PREX2: variants seen among roughly 807,000 people sequenced by gnomAD.
The protein encoded by PREX2 is phosphatidylinositol 3,4,5-trisphosphate-dependent Rac exchanger 2 protein.
A neutral mutation model predicts 203.2 loss-of-function variants in PREX2; 107 were observed. The observed-to-expected ratio is 0.53, with a 90% confidence interval of 0.45 to 0.62. The LOEUF (loss-of-function observed/expected upper bound fraction) is 0.62, where lower values mean the gene tolerates loss of function less well. PREX2 is among the 20% of genes least tolerant of loss of function. The pLI, the probability that PREX2 is intolerant of heterozygous loss-of-function variation, is 0.00. For missense variants in PREX2, 1,777 were observed against 1,955.9 expected, an observed-to-expected ratio of 0.91 and a Z score of 1.72; for synonymous variants, 672 against 663.6, an observed-to-expected ratio of 1.01 and a Z score of -0.19.
At chr8:67,994,629 G>A (rs1806711589) in intron 1 of PREX2, among the ~76,000 whole-genome samples, 1 of 152,140 alleles carries the variant, frequency 6.6e-6, no homozygotes, top group Admixed American at 6.6e-5. Flanking sequence ...AATTAAACAG[G>A]CCTTGTTAAG....
chr8:68,108,070 G>A (rs1357496790), intron 23 of PREX2, 39 bp from the exon 24 acceptor site: 2 of 1,395,110 alleles, frequency 1.4e-6, no homozygotes, highest in South Asian at 2.5e-5. Flanking sequence ...AGTTATTACT[G>A]TGTGTTCAAC....
chr8:68,224,670 G>T (rs780206924), intron 39 of PREX2, 44 bp downstream of exon 39: 11 of 1,481,088 alleles, frequency 7.4e-6, no homozygotes, highest in Middle Eastern at 1.7e-4. Context: ...AGATTTGCCA[G>T]CATTTTCCCC....
In PREX2 at chr8:68,069,140, A is replaced by T; in HGVS notation, c.1443+4A>T. On this transcript the variant is annotated splice_donor_region_variant and intron_variant, in intron 12 of 39. Coordinates refer to ENST00000288368, the MANE Select transcript of PREX2 (RefSeq NM_024870.4). ...GATGCAGGACGTGATTTCAAAGGTA[A>T]CGACCTCTCCCACAACCTCTCCAAT... 1 of 1,445,124 alleles carries T rather than the reference A, an allele frequency of 6.9e-7. No individual in the cohort carries two copies. Among genetic ancestry groups the T allele is most frequent in the Non-Finnish European group, 9.6e-7 (1 of 1,046,722 alleles). 89.5% of individuals were successfully genotyped at this position (1,445,124 alleles called of 1,614,324 possible).
At chr8:68,011,462 A>T (rs1807257707) in intron 1 of PREX2, among the ~76,000 whole-genome samples, 2 of 152,084 alleles carry the variant, frequency 1.3e-5, no homozygotes, top group Admixed American at 1.3e-4. Flanking sequence ...ATTAGAATAC[A>T]TGGCAATTAA....
intron 17 of PREX2, chr8:68,082,266 A>G (rs986152015): frequency 5.3e-5 from 8 of 152,128 alleles, no homozygotes; most frequent in African/African-American, 1.9e-4. Flanking sequence ...CAATATTTAG[A>G]TCTTTAATGA....
chr8:68,180,092 C>T (rs776624787), intron 35 of PREX2, among the ~76,000 whole-genome samples: 2 of 152,066 alleles, frequency 1.3e-5, no homozygotes, highest in Non-Finnish European at 2.9e-5. Context: ...AATCTCCCAA[C>T]TGCTATTTCT....
intron 8 of PREX2, among the ~76,000 whole-genome samples, chr8:68,051,820 T>C (rs1481606442): frequency 6.6e-6 from 1 of 152,176 alleles, no homozygotes; most frequent in African/African-American, 2.4e-5. Flanking sequence ...GAAGTCATTT[T>C]TGATTATTCA....
chr8:67,981,204 G>A (rs1365208837), intron 1 of PREX2, among the ~76,000 whole-genome samples: 1 of 152,194 alleles, frequency 6.6e-6, no homozygotes, highest in East Asian at 1.9e-4. Context: ...ACAGCCTTAT[G>A]ACATTGATAA....
chr8:68,026,906 T>C (rs1302816178), intron 4 of PREX2, among the ~76,000 whole-genome samples: 1 of 152,106 alleles, frequency 6.6e-6, no homozygotes, highest in Non-Finnish European at 1.5e-5. Context: ...ACCATCTGTT[T>C]ATCCACCACT....
intron 35 of PREX2, among the ~76,000 whole-genome samples, chr8:68,186,454 AAAGCTT>A (rs1449634387): frequency 6.6e-6 from 1 of 152,216 alleles, no homozygotes; most frequent in Non-Finnish European, 1.5e-5. Context: ...ATGTGTAAAA[AAAGCTT>A]AAGAAACACT....
intron 27 of PREX2, 115 bp from the exon 28 acceptor site, chr8:68,119,317 G>T: frequency 1.5e-6 from 1 of 682,268 alleles, no homozygotes; most frequent in East Asian, 2.7e-5. Flanking sequence ...AACTGTGCAT[G>T]GAATAACAGC....
chr8:68,180,453 G>A (rs1470436301), intron 35 of PREX2, among the ~76,000 whole-genome samples: 1 of 152,072 alleles, frequency 6.6e-6, no homozygotes, highest in Non-Finnish European at 1.5e-5. Context: ...ACAAATAAGT[G>A]AATACACAAA....
intron 11 of PREX2, among the ~76,000 whole-genome samples, chr8:68,067,740 G>A (rs528426784): frequency 2.6e-5 from 4 of 152,062 alleles, no homozygotes; most frequent in African/African-American, 7.2e-5. Flanking sequence ...CTCTGGTTAG[G>A]ACTTCTTGTA....
intron 35 of PREX2, among the ~76,000 whole-genome samples, chr8:68,169,474 G>A (rs115176280): frequency 0.011 from 1,737 of 152,120 alleles, 34 homozygotes; most frequent in African/African-American, 0.04. Context: ...CAGCAAAGAG[G>A]TAGAAGTCAT....
chr8:67,957,587 T>G (rs1465386185), intron 1 of PREX2, among the ~76,000 whole-genome samples: 1 of 152,200 alleles, frequency 6.6e-6, no homozygotes, highest in Non-Finnish European at 1.5e-5. Context: ...TTGCATTTAC[T>G]TCCTATGTAT....
chr8:67,967,283 G>A (rs1046274664), intron 1 of PREX2, among the ~76,000 whole-genome samples: 2 of 152,166 alleles, frequency 1.3e-5, no homozygotes, highest in Admixed American at 1.3e-4. Flanking sequence ...AAAAAGCATG[G>A]TGACACTAAG....
chr8:68,114,403 A>G (rs1810600622), intron 25 of PREX2: 1 of 453,808 alleles, frequency 2.2e-6, no homozygotes, highest in African/African-American at 2.0e-5. Flanking sequence ...AATCACAGGT[A>G]TTTAGTAAAT....
intron 1 of PREX2, 37 bp downstream of exon 1, chr8:67,952,572 CGGCGCGG>C: frequency 6.3e-7 from 1 of 1,590,752 alleles, no homozygotes; most frequent in Non-Finnish European, 8.6e-7. Flanking sequence ...GACGTCCGGG[CGGCGCGG>C]GGCGCGGGTC....
intron 1 of PREX2, among the ~76,000 whole-genome samples, chr8:67,984,886 G>A (rs1314861327): frequency 3.9e-5 from 6 of 152,160 alleles, no homozygotes; most frequent in Non-Finnish European, 7.3e-5. Flanking sequence ...AAACCAGGAC[G>A]GAGAGGGAGA....
Sources: allele counts gnomAD v4.1 joint callset (sites outside exome capture counted in the v4.1 genomes callset), GRCh38; gene constraint gnomAD v4.1.1; transcripts MANE v1.5; gene names NCBI Gene and HGNC (gene_info 2026-07-23, HGNC 2026-07-21).